Variants in ZBTB40 observed in about 807,000 individuals in gnomAD.
ZBTB40 encodes the protein zinc finger and BTB domain containing 40.
ZBTB40 carries 60 observed loss-of-function variants against 117.5 expected under a neutral mutation model. The ratio of observed to expected loss-of-function variants is 0.51; its 90% CI spans 0.41 to 0.63. ZBTB40 has a LOEUF of 0.63. Ranked by LOEUF, ZBTB40 falls within the 30% of genes least tolerant of loss-of-function variation. The pLI is 0.00. For missense variants in ZBTB40, 1,287 were observed against 1,498.5 expected, an observed-to-expected ratio of 0.86 and a Z score of 2.33; for synonymous variants, 525 against 577.1, an observed-to-expected ratio of 0.91 and a Z score of 1.29.
intron 1 of ZBTB40, among the ~76,000 whole-genome samples, chr1:22,444,807 G>A (rs1265639952): frequency 6.6e-6 from 1 of 152,180 alleles, no homozygotes. Flanking sequence ...GTCAAACCAC[G>A]TATTTGAATC....
At chr1:22,452,129 A>C (rs1360705362) in intron 1 of ZBTB40, 125 bp downstream of exon 1, 1 of 152,440 alleles carries the variant, frequency 6.6e-6, no homozygotes, top group Non-Finnish European at 1.5e-5. Context: ...GACTCGGCCG[A>C]ATCACGGCCG....
chr1:22,465,943 C>G (rs1413269522), intron 1 of ZBTB40, among the ~76,000 whole-genome samples: 1 of 152,216 alleles, frequency 6.6e-6, no homozygotes, highest in African/African-American at 2.4e-5. Context: ...GATCAGCTGC[C>G]ACCATTATAA....
At chr1:22,469,765 T>C (rs1007145878) in intron 1 of ZBTB40, among the ~76,000 whole-genome samples, 3 of 152,112 alleles carry the variant, frequency 2.0e-5, no homozygotes, top group Non-Finnish European at 4.4e-5. Context: ...TTTGAACTCC[T>C]GACCTTAAAT....
intron 3 of ZBTB40, among the ~76,000 whole-genome samples, chr1:22,497,081 G>A (rs910444125): frequency 6.6e-6 from 1 of 152,236 alleles, no homozygotes; most frequent in Non-Finnish European, 1.5e-5. Context: ...ATGGGAGAAA[G>A]ATGAAGGCTG....
chr1:22,429,277 G>A (rs568833057), intron 1 of ZBTB40, among the ~76,000 whole-genome samples: 28 of 152,224 alleles, frequency 1.8e-4, no homozygotes, highest in African/African-American at 6.7e-4. Flanking sequence ...AGCTACTCGG[G>A]AGGCTGAGGC....
At chr1:22,488,199 G>A (rs895660533) in intron 1 of ZBTB40, among the ~76,000 whole-genome samples, 1 of 152,134 alleles carries the variant, frequency 6.6e-6, no homozygotes, top group Admixed American at 6.5e-5. Flanking sequence ...ATTCTACCAA[G>A]TAATCAACAG....
intron 8 of ZBTB40, 107 bp from the exon 9 acceptor site, chr1:22,508,993 G>T: frequency 6.4e-7 from 1 of 1,568,340 alleles, no homozygotes; most frequent in Non-Finnish European, 8.8e-7. Context: ...TCAGATAGGA[G>T]ATAGGGGAAA....
chr1:22,523,233 G>A (rs1409909195), intron 16 of ZBTB40, among the ~76,000 whole-genome samples: 1 of 152,052 alleles, frequency 6.6e-6, no homozygotes, highest in Non-Finnish European at 1.5e-5. Flanking sequence ...TTACAGGCGT[G>A]AGCCACTGCG....
rs1255987419 is a variant in ZBTB40 at position 22,530,449 on chromosome 1, A to T, written c.*4053A>T. On this transcript the variant is annotated 3_prime_UTR_variant, in exon 18 of 18. Transcript: ENST00000375647. ...TCCTACGACTCGGCCTATAAGGAAG[A>T]GAGAAGCTGTCTGTACTTTGGGGAC... 6.6e-6 allele frequency: 1 copy of T among 152,308 alleles called. No individual in the cohort carries two copies. The highest frequency in any genetic ancestry group is 1.5e-5 in the Non-Finnish European group (1 of 68,022). 9.4% of individuals were successfully genotyped at this position (152,308 alleles called of 1,614,324 possible). A position where few individuals can be genotyped will look rare whatever the true frequency, so the allele number is the denominator to read the frequency against.
Position 22,506,241 on chromosome 1 carries a change from G to A in ZBTB40, c.1360G>A (p.Val454Ile). Residue 454 changes from valine to isoleucine, a missense_variant and splice_region_variant, in exon 6 of 18, where the codon GTC (valine) becomes ATC (isoleucine). Transcript: ENST00000375647. ...QKSATLPSTT[V>I]QPSPDDYGTE... The stretch of plus-strand genomic sequence containing the variant: ...ATCAGCCACTTTGCCAAGCACCACA[G>A]GTATTAGTAAATTGTTGACTCTCTG... The A allele has an allele frequency of 6.2e-7, 1 of 1,614,046 alleles. No homozygotes were observed. The highest frequency in any genetic ancestry group is 8.5e-7 in the Non-Finnish European group (1 of 1,180,010).
chr1:22,434,966 A>G (rs2124361879), intron 1 of ZBTB40, among the ~76,000 whole-genome samples: 1 of 152,180 alleles, frequency 6.6e-6, no homozygotes, highest in South Asian at 2.1e-4. Flanking sequence ...TTCTTGGTCA[A>G]GAAATGGTAT....
At chr1:22,524,502 C>T (rs1015098773) in intron 17 of ZBTB40, 58 bp downstream of exon 17, 4 of 1,557,400 alleles carry the variant, frequency 2.6e-6, no homozygotes, top group South Asian at 1.1e-5. Context: ...TAAGGCTTCT[C>T]TAGAGGTGGC....
chr1:22,474,430 C>A (rs571662864), intron 1 of ZBTB40, among the ~76,000 whole-genome samples: 1 of 152,210 alleles, frequency 6.6e-6, no homozygotes, highest in African/African-American at 2.4e-5. Context: ...CTTGAGAAAT[C>A]TGGGCCTACT....
intron 9 of ZBTB40, among the ~76,000 whole-genome samples, chr1:22,509,498 C>T (rs1639172391): frequency 6.6e-6 from 1 of 152,186 alleles, no homozygotes; most frequent in South Asian, 2.1e-4. Flanking sequence ...AGGTGCGCAC[C>T]ACCGTGCCCT....
At chr1:22,505,966 A>G (rs1313032314) in intron 5 of ZBTB40, 83 bp from the exon 6 acceptor site, 22 of 1,453,812 alleles carry the variant, frequency 1.5e-5, no homozygotes, top group East Asian at 2.3e-5. Context: ...TTGTGATGCT[A>G]TCTTGCTAGG....
At chr1:22,445,378 T>C (rs1251853682) in intron 1 of ZBTB40, among the ~76,000 whole-genome samples, 1 of 152,112 alleles carries the variant, frequency 6.6e-6, no homozygotes, top group African/African-American at 2.4e-5. Flanking sequence ...TGAGAAGCAC[T>C]TGTAAAGTTC....
At chr1:22,460,069 C>T (rs1046972512) in intron 1 of ZBTB40, among the ~76,000 whole-genome samples, 20 of 152,186 alleles carry the variant, frequency 1.3e-4, no homozygotes, top group Non-Finnish European at 2.5e-4. Flanking sequence ...GATACCTCCC[C>T]CCTTAAAGCT....
intron 1 of ZBTB40, among the ~76,000 whole-genome samples, chr1:22,453,720 T>C (rs2124379104): frequency 6.6e-6 from 1 of 152,312 alleles, no homozygotes; most frequent in African/African-American, 2.4e-5. Flanking sequence ...CGAGGTTACA[T>C]AGCTAAGGCA....
At chr1:22,517,544 A>T in intron 13 of ZBTB40, 80 bp downstream of exon 13, 2 of 1,531,354 alleles carry the variant, frequency 1.3e-6, no homozygotes, top group South Asian at 2.5e-5. Flanking sequence ...AGAGGTGTCA[A>T]TCCATCAGAC....
Sources: gnomAD v4.1 joint callset for allele counts (sites outside exome capture counted in the v4.1 genomes callset) on GRCh38, gnomAD v4.1.1 for gene constraint, MANE v1.5 for transcripts, NCBI Gene and HGNC (gene_info 2026-07-23, HGNC 2026-07-21) for gene names.